MEIS2: variants seen among roughly 807,000 people sequenced by gnomAD.
MEIS2 encodes homeobox protein Meis2.
Under a neutral mutation model 58.6 loss-of-function variants are expected in MEIS2, and 9 were observed. The observed-to-expected ratio is 0.15, with a 90% CI of 0.09 to 0.27. MEIS2 has a LOEUF of 0.27. MEIS2 is among the 10% of genes least tolerant of loss of function. The pLI is 1.00. For missense variants in MEIS2, 427 were observed against 635.0 expected (o/e 0.67, Z 3.52); for synonymous variants, 221 against 228.4 (o/e 0.97, Z 0.29).
chr15:37,025,753 C>CAAAAA (rs35154978), intron 8 of MEIS2, among the ~76,000 whole-genome samples: 237 of 96,840 alleles, frequency 2.4e-3, no homozygotes, highest in African/African-American at 7.1e-3. Flanking sequence ...ACTTGCTCTG[C>CAAAAA]AAAAAAAAAA....
intron 8 of MEIS2, among the ~76,000 whole-genome samples, chr15:37,021,623 CTGGACTTGCAACCCCT>C (rs1160273367): frequency 6.6e-6 from 1 of 152,208 alleles, no homozygotes; most frequent in Non-Finnish European, 1.5e-5. Flanking sequence ...TATTCTGCAC[CTGGACTTGCAACCCCT>C]TGGTGGGTTT....
At chr15:36,938,097 C>A (rs1297600670) in intron 9 of MEIS2, among the ~76,000 whole-genome samples, 1 of 152,100 alleles carries the variant, frequency 6.6e-6, no homozygotes, top group Non-Finnish European at 1.5e-5. Flanking sequence ...GTCCTCTATG[C>A]CTAGATATGG....
At chr15:36,952,808 G>A (rs908674093) in intron 8 of MEIS2, among the ~76,000 whole-genome samples, 2 of 151,992 alleles carry the variant, frequency 1.3e-5, no homozygotes, top group East Asian at 3.8e-4. Flanking sequence ...TCTTTCCAGT[G>A]TTTTATTAGA....
chr15:36,925,163 A>G (rs2057694700), intron 9 of MEIS2, among the ~76,000 whole-genome samples: 1 of 152,234 alleles, frequency 6.6e-6, no homozygotes, highest in Non-Finnish European at 1.5e-5. Context: ...GAACAGAAAG[A>G]AAAAGAGAAA....
At chr15:36,928,521 C>T (rs1024827977) in intron 9 of MEIS2, among the ~76,000 whole-genome samples, 1 of 152,196 alleles carries the variant, frequency 6.6e-6, no homozygotes, top group Non-Finnish European at 1.5e-5. Context: ...CTCCTTTCTA[C>T]TGTATCCTAC....
intron 8 of MEIS2, among the ~76,000 whole-genome samples, chr15:36,964,687 T>C (rs907961600): frequency 1.3e-5 from 2 of 152,190 alleles, no homozygotes; most frequent in Non-Finnish European, 2.9e-5. Flanking sequence ...ATGACTGTCA[T>C]TCCAAGGCAG....
rs1319931960 is a variant in MEIS2 at position 36,920,118 on chromosome 15, T to TTTCATTTA, written c.978-23433_978-23432insTAAATGAA. ...AGCAACACTTAGCAACCTATACTGC[T>TTTCATTTA]TTTATTTATTTATTTATTTATTTAT... On this transcript the variant is annotated intron_variant, in intron 9 of 11. Transcript: ENST00000561208. Among the ~76,000 whole-genome samples the TTTCATTTA allele has an allele frequency of 3.6e-3, 481 of 134,726 alleles. 2 individuals are homozygous for TTTCATTTA. Among genetic ancestry groups the TTTCATTTA allele is most frequent in the East Asian group, 0.011 (50 of 4,422 alleles). The allele number at this position is 134,726 out of a possible 152,430, so 88.4% of individuals were successfully genotyped here.
intron 8 of MEIS2, among the ~76,000 whole-genome samples, chr15:36,998,448 T>G (rs1293516616): frequency 6.6e-6 from 1 of 151,868 alleles, no homozygotes; most frequent in Non-Finnish European, 1.5e-5. Context: ...CTCAAACTCA[T>G]GGACTCAAGT....
chr15:36,987,341 G>C (rs1467543301), intron 8 of MEIS2, among the ~76,000 whole-genome samples: 2 of 149,236 alleles, frequency 1.3e-5, no homozygotes, highest in Non-Finnish European at 1.5e-5. Flanking sequence ...CTGGTATGCA[G>C]AGGTTGCAGT....
Position 37,036,974 on chromosome 15 carries a change from T to G in MEIS2, c.755-15A>C. 6.3e-7 allele frequency: 1 copy of G among 1,594,454 alleles called. No homozygotes were observed. Among genetic ancestry groups the G allele is most frequent in the Non-Finnish European group, 8.5e-7 (1 of 1,172,660 alleles). On this transcript the variant is annotated splice_polypyrimidine_tract_variant and intron_variant, in intron 7 of 11. Coordinates refer to ENST00000561208, the MANE Select transcript of MEIS2 (RefSeq NM_170675.5). ...TAAACCATCCCCTAGTAGAAAGAAA[T>G]AAAAATACATTAGAGAAAACATCGC...
At chr15:37,053,288 A>G (rs2063003943) in intron 7 of MEIS2, among the ~76,000 whole-genome samples, 1 of 152,212 alleles carries the variant, frequency 6.6e-6, no homozygotes, top group Non-Finnish European at 1.5e-5. Flanking sequence ...CATTCTTCTC[A>G]GTGATAAAGT....
chr15:36,939,891 C>T (rs566232011), intron 9 of MEIS2, among the ~76,000 whole-genome samples: 76 of 152,228 alleles, frequency 5.0e-4, no homozygotes, highest in African/African-American at 1.7e-3. Flanking sequence ...GGGTATGGGA[C>T]GGGTAAGCTT....
chr15:37,026,615 T>C (rs74008833), intron 8 of MEIS2, among the ~76,000 whole-genome samples: 2,196 of 152,270 alleles, frequency 0.014, 61 homozygotes, highest in African/African-American at 0.049. Flanking sequence ...AAACCAGATA[T>C]CAGCAGATTT....
intron 8 of MEIS2, among the ~76,000 whole-genome samples, chr15:37,011,316 G>T (rs190158680): frequency 6.6e-6 from 1 of 152,260 alleles, no homozygotes; most frequent in East Asian, 1.9e-4. Context: ...AGATGCAGTT[G>T]AATTATATAA....
chr15:37,099,076 G>C, intron 1 of MEIS2: 1 of 988,016 alleles, frequency 1.0e-6, no homozygotes, highest in Non-Finnish European at 1.2e-6. Context: ...CGCGAGCCAC[G>C]GCGGCAGCGG....
chr15:37,013,799 A>G (rs2061250747), intron 8 of MEIS2, among the ~76,000 whole-genome samples: 1 of 152,050 alleles, frequency 6.6e-6, no homozygotes, highest in Non-Finnish European at 1.5e-5. Flanking sequence ...AGGTGAAACA[A>G]CTTGTCCATT....
At chr15:37,033,581 T>A (rs548798847) in intron 8 of MEIS2, among the ~76,000 whole-genome samples, 1 of 152,200 alleles carries the variant, frequency 6.6e-6, no homozygotes, top group South Asian at 2.1e-4. Flanking sequence ...GCATATTGAA[T>A]CATGCACTTG....
chr15:36,914,909 G>A (rs748431382), intron 9 of MEIS2, among the ~76,000 whole-genome samples: 5 of 152,172 alleles, frequency 3.3e-5, no homozygotes, highest in Admixed American at 6.5e-5. Context: ...GTCAACACGT[G>A]TTGTTATAAA....
chr15:37,079,013 G>A (rs56922191), intron 7 of MEIS2, among the ~76,000 whole-genome samples: 5 of 151,986 alleles, frequency 3.3e-5, no homozygotes, highest in African/African-American at 9.7e-5. Context: ...TTTATTAGAA[G>A]AATTTAATTT....
Sources: allele counts gnomAD v4.1 joint callset (sites outside exome capture counted in the v4.1 genomes callset), GRCh38; gene constraint gnomAD v4.1.1; transcripts MANE v1.5; gene names NCBI Gene and HGNC (gene_info 2026-07-23, HGNC 2026-07-21).